FMR1: variants seen among roughly 807,000 people sequenced by gnomAD.
FMR1 encodes the protein FMRP translational regulator 1.
FMR1 carries 13 observed loss-of-function variants against 50.6 expected under a neutral mutation model. That is an observed-to-expected ratio of 0.26 (90% CI 0.17 to 0.41). The LOEUF is 0.41. FMR1 is among the 10% of genes least tolerant of loss of function. The probability of loss-of-function intolerance (pLI) is 1.00; values close to 1 mark genes in which losing one functional copy is unlikely to be tolerated. For synonymous variants in FMR1, 138 were observed against 164.1 expected (o/e 0.84, Z 1.22); for missense variants, 316 against 491.3 (o/e 0.64, Z 3.37).
At chrX:147,939,257 T>G (rs373823576) in intron 12 of FMR1, among the ~76,000 whole-genome samples, 3 of 110,734 alleles carry the variant, frequency 2.7e-5, no homozygotes, top group East Asian at 5.6e-4. Flanking sequence ...AGTAGTTGTT[T>G]TTTTTTTCCC....
rs782602321 is a variant in FMR1, at chrX:147,925,592, G to C, written c.157G>C (p.Val53Leu). 6.6e-6 allele frequency: 8 copies of C among 1,203,564 alleles called. No individual in the cohort carries two copies. The Admixed American group carries it at 1.7e-4, about 26-fold the overall frequency. ...TCATGATGTCAGATTCCCACCTCCT[G>C]TAGGTTATAATAAAGATATAAATGA... ...PFHDVRFPPP[V>L]GYNKDINESD... The change falls in exon 3 of 17, where the codon GTA becomes CTA. Residue 53 changes from valine (V) to leucine (L), a missense_variant. Val to Leu is a conservative substitution (Grantham distance 32). Coordinates refer to ENST00000370475, the MANE Select transcript of FMR1 (RefSeq NM_002024.6).
intron 2 of FMR1, among the ~76,000 whole-genome samples, chrX:147,924,509 A>ATG (rs1211646135): frequency 2.3e-5 from 1 of 43,455 alleles, no homozygotes; most frequent in African/African-American, 8.1e-5. Context: ...GTCTATATAT[A>ATG]TATATATTTT....
rs184797477 is a variant in FMR1, at chrX:147,945,779, G to A, written c.1737+163G>A. The A allele has an allele frequency of 1.4e-4, 64 of 471,865 alleles. No individual in the cohort carries two copies. In the African/African-American group the frequency reaches 1.4e-3, roughly 10 times the overall value. The allele number at this position is 471,865 out of a possible 1,213,427, so 38.9% of individuals were successfully genotyped here. A position where few individuals can be genotyped will look rare whatever the true frequency, so the allele number is the denominator to read the frequency against. ...CAATTGTAGTCAATCTTAGTTCTTT[G>A]TGACAAGTATACAAATAAGAGGATT... On this transcript the variant is annotated intron_variant, in intron 16 of 16. Coordinates refer to ENST00000370475, the MANE Select transcript of FMR1 (RefSeq NM_002024.6).
At chrX:147,918,555 C>CTTTTTTT (rs368581020) in intron 1 of FMR1, among the ~76,000 whole-genome samples, 1,350 of 47,236 alleles carry the variant, frequency 0.029, 250 homozygotes, top group African/African-American at 0.086. Context: ...CCTGCAAAAG[C>CTTTTTTT]TTTTTTTTTT....
At position 147,937,320 on chromosome X, in the gene FMR1, A is replaced by G. The variant is rs2043824217; in HGVS notation, c.991-146A>G. 5 of 457,718 alleles carry G rather than the reference A, an allele frequency of 1.1e-5. No individual in the cohort carries two copies. The South Asian group carries it at 1.3e-4, about 12-fold the overall frequency. 37.7% of individuals were successfully genotyped at this position (457,718 alleles called of 1,213,427 possible). A position where few individuals can be genotyped will look rare whatever the true frequency, so the allele number is the denominator to read the frequency against. On this transcript the variant is annotated intron_variant, in intron 10 of 16. Coordinates refer to ENST00000370475, the MANE Select transcript of FMR1 (RefSeq NM_002024.6). ...GTTAAATCTTTTTTTTCTGCGTACA[A>G]TTTGTATTCGGTAATTTTATAAACC...
At position 147,932,471 on chromosome X, in the gene FMR1, G is replaced by A; in HGVS notation, c.677G>A (p.Arg226Lys). 1.2e-5 allele frequency: 14 copies of A among 1,210,184 alleles called. No individual in the cohort carries two copies. Among genetic ancestry groups the A allele is most frequent in the Non-Finnish European group, 1.6e-5 (14 of 894,200 alleles). The change falls in exon 8 of 17, where the codon AGA becomes AAA. Residue 226 changes from arginine (R) to lysine (K), a missense_variant. Transcript: ENST00000370475. Reference sequence around the variant, plus strand: ...AGATTTCATGAACAGTTTATCGTAAGAGAAGATCTGATGGGTCTAGCTATT... The same window carrying A: ...AGATTTCATGAACAGTTTATCGTAAAAGAAGATCTGATGGGTCTAGCTATT... ...ASRFHEQFIV[R>K]EDLMGLAIGT...
chrX:147,915,250 A>G (rs2042796685), intron 1 of FMR1, among the ~76,000 whole-genome samples: 1 of 112,155 alleles, frequency 8.9e-6, no homozygotes. Flanking sequence ...ATTTTTAATG[A>G]AGATATTAGT....
intron 5 of FMR1, 121 bp downstream of exon 5, chrX:147,928,928 T>C (rs1557178099): frequency 6.6e-6 from 5 of 757,267 alleles, no homozygotes; most frequent in Non-Finnish European, 5.9e-6. Flanking sequence ...TGGTGGACTT[T>C]GGCAAAAATG....
intron 12 of FMR1, 127 bp from the exon 13 acceptor site, chrX:147,940,449 A>G (rs1233850023): frequency 1.9e-5 from 10 of 539,569 alleles, no homozygotes; most frequent in Non-Finnish European, 3.4e-5. Context: ...ATTGATTTAT[A>G]TTTACAGCAA....
chrX:147,915,835 C>T (rs141166202), intron 1 of FMR1, among the ~76,000 whole-genome samples: 1 of 111,603 alleles, frequency 9.0e-6, no homozygotes, highest in East Asian at 2.8e-4. Context: ...TGACTTACTA[C>T]CAAGTGTCAG....
chrX:147,912,377 A>G (rs1180973111), intron 1 of FMR1, 147 bp downstream of exon 1: 1 of 535,692 alleles, frequency 1.9e-6, no homozygotes, highest in Non-Finnish European at 3.0e-6. Context: ...TTGGGAGGGA[A>G]GGACTGGACT....
chrX:147,950,196 G>A lies in FMR1; in HGVS notation c.*1352G>A. 3.0e-6 allele frequency: 1 copy of A among 328,548 alleles called. No homozygotes were observed. The highest frequency in any genetic ancestry group is 2.6e-5 in the South Asian group (1 of 38,396). The allele number at this position is 328,548 out of a possible 1,213,427, so 27.1% of individuals were successfully genotyped here. ...GTAGGGGTACCACTGAATCTGTACA[G>A]AGCCGTAAAAACTGAAGTTCTGCCT... On this transcript the variant is annotated 3_prime_UTR_variant, in exon 17 of 17. Coordinates refer to ENST00000370475, the MANE Select transcript of FMR1 (RefSeq NM_002024.6).
chrX:147,937,476 C>T lies in FMR1; in HGVS notation c.1001C>T (p.Pro334Leu). ...CTGTTTTTTACCAAGGAAATTATGC[C>T]ACCAAATTCCCTTCCTTCCAATAAT... ...KNVPQEEEIM[P>L]PNSLPSNNSR... Residue 334 changes from proline (P) to leucine (L), a missense_variant, in exon 11 of 17, where the codon CCA (proline) becomes CTA (leucine). By Grantham distance (98) the Pro-to-Leu change is moderately conservative. Transcript: ENST00000370475. The T allele has an allele frequency of 8.4e-7, 1 of 1,196,627 alleles. No individual in the cohort carries two copies. Among genetic ancestry groups the T allele is most frequent in the Non-Finnish European group, 1.1e-6 (1 of 882,663 alleles).
At chrX:147,921,764 G>A (rs2043179936) in intron 1 of FMR1, among the ~76,000 whole-genome samples, 169 bp from the exon 2 acceptor site, 1 of 111,520 alleles carries the variant, frequency 9.0e-6, no homozygotes, top group Non-Finnish European at 1.9e-5. Context: ...CATACAAGGT[G>A]GCAATATAGA....
At chrX:147,934,979 G>A (rs1161166995) in intron 9 of FMR1, among the ~76,000 whole-genome samples, 1 of 111,686 alleles carries the variant, frequency 9.0e-6, no homozygotes, top group Non-Finnish European at 1.9e-5. Context: ...GAATTGGTAT[G>A]ACTATTCAGT....
At chrX:147,920,180 T>C (rs1557176129) in intron 1 of FMR1, among the ~76,000 whole-genome samples, 1 of 111,524 alleles carries the variant, frequency 9.0e-6, no homozygotes, top group African/African-American at 3.3e-5. Flanking sequence ...TATTCATTGA[T>C]TTTTTTTTGT....
rs371928026 is a variant in FMR1 at position 147,912,215 on chromosome X, T to C, written c.36T>C (p.Asn12=). The C allele has an allele frequency of 3.3e-5, 38 of 1,159,222 alleles. No individual in the cohort carries two copies. Among genetic ancestry groups the C allele is most frequent in the Non-Finnish European group, 4.3e-5 (37 of 869,235 alleles). ...EELVVEVRGS[N]GAFYKAFVKD... is the part of the protein sequence containing the mutation. Reference sequence around the variant, plus strand: ...TGGTGGTGGAAGTGCGGGGCTCCAATGGCGCTTTCTACAAGGTACTTGGCT... The same window carrying C: ...TGGTGGTGGAAGTGCGGGGCTCCAACGGCGCTTTCTACAAGGTACTTGGCT... The change falls in exon 1 of 17, where the codon AAT becomes AAC. Residue 12 remains asparagine (N), a synonymous_variant. Coordinates refer to ENST00000370475, the MANE Select transcript of FMR1 (RefSeq NM_002024.6).
In FMR1 at chrX:147,912,096, C is replaced by CGGCGGCGGCGGA. The variant is rs1931670203; in HGVS notation, c.-73_-72insAGGCGGCGGCGG. ...GCGGCGGCGGAGGCGGCGGCGGCGG[C>CGGCGGCGGCGGA]GGCGGCGGCGGCGGCTGGGCCTCGA... On this transcript the variant is annotated 5_prime_UTR_variant, in exon 1 of 17. Transcript: ENST00000370475. 4 of 604,644 alleles carry CGGCGGCGGCGGA rather than the reference C, an allele frequency of 6.6e-6. 1 individual carries two copies. The highest frequency in any genetic ancestry group is 5.2e-5 in the African/African-American group (2 of 38,822). 49.8% of individuals were successfully genotyped at this position (604,644 alleles called of 1,213,427 possible).
Position 147,924,515 on chromosome X carries a change from A to ATTT in FMR1, c.105-1014_105-1012dup, listed in dbSNP as rs35196632. Among the ~76,000 whole-genome samples the ATTT allele has an allele frequency of 7.2e-3, 638 of 88,280 alleles. 3 individuals carry two copies. Among genetic ancestry groups the ATTT allele is most frequent in the African/African-American group, 0.016 (365 of 23,181 alleles). The allele number at this position is 88,280 out of a possible 115,157, so 76.7% of individuals were successfully genotyped here. On this transcript the variant is annotated intron_variant, in intron 2 of 16. Transcript: ENST00000370475. Reference sequence around the variant, plus strand: ...TGTGTGTGTGTCTATATATATATATATTTTTTTTTTTTTAAAGACAGGATC... The same window carrying ATTT: ...TGTGTGTGTGTCTATATATATATATATTTTTTTTTTTTTTTTAAAGACAGGATC...
Sources: allele counts gnomAD v4.1 joint callset (sites outside exome capture counted in the v4.1 genomes callset), GRCh38; gene constraint gnomAD v4.1.1; transcripts MANE v1.5; gene names NCBI Gene and HGNC (gene_info 2026-07-23, HGNC 2026-07-21).